Variants in CSMD2 observed in about 807,000 individuals in gnomAD.
CSMD2 encodes CUB and Sushi multiple domains 2, also known as CUB and sushi domain-containing protein 2.
Under a neutral mutation model 398.5 loss-of-function variants are expected in CSMD2, and 130 were observed. That is an observed-to-expected ratio of 0.33 (90% CI 0.28 to 0.38). The LOEUF (loss-of-function observed/expected upper bound fraction) is 0.38. Ranked by LOEUF, CSMD2 falls within the 10% of genes least tolerant of loss-of-function variation. The probability of loss-of-function intolerance (pLI) is 1.00; values close to 1 mark genes in which losing one functional copy is unlikely to be tolerated. For synonymous variants in CSMD2, 1,828 were observed against 1,908.5 expected (o/e 0.96, Z 1.10); for missense variants, 3,829 against 4,764.9 (o/e 0.80, Z 5.78).
intron 53 of CSMD2, among the ~76,000 whole-genome samples, chr1:33,560,591 A>G (rs1009707447): frequency 6.6e-6 from 1 of 152,198 alleles, no homozygotes; most frequent in African/African-American, 2.4e-5. Context: ...TCTTCTTCTC[A>G]GGTCTCTCCT....
At position 34,137,338 on chromosome 1, in the gene CSMD2, C is replaced by T. The variant is rs111717331; in HGVS notation, c.187+27573G>A. Among the ~76,000 whole-genome samples the T allele has an allele frequency of 8.6e-3, 1,302 of 152,276 alleles. 11 individuals are homozygous for T. Among genetic ancestry groups the T allele is most frequent in the Non-Finnish European group, 0.013 (916 of 68,010 alleles). On this transcript the variant is annotated intron_variant, in intron 1 of 70. Transcript: ENST00000373381. ...ACCTTATTACTTTTTCAACAAGGCC[C>T]ACTAAGCTCTTTTCACCAGAACATC...
Position 33,784,584 on chromosome 1 carries a change from C to T in CSMD2, c.1663+4016G>A, listed in dbSNP as rs1343450269. 2.6e-5 allele frequency among the ~76,000 whole-genome samples: 4 copies of T among 152,338 alleles called. No homozygotes were observed. The East Asian group carries it at 7.7e-4, about 29-fold the overall frequency. On this transcript the variant is annotated intron_variant, in intron 12 of 70. Coordinates refer to ENST00000373381, the MANE Select transcript of CSMD2 (RefSeq NM_001281956.2). The stretch of plus-strand genomic sequence containing the variant: ...GCCACTTCTGGCTCCACGCCCTGCA[C>T]TGAGGCCTTACAGAGCCACCTCATT...
intron 6 of CSMD2, among the ~76,000 whole-genome samples, chr1:33,830,850 A>G (rs1198662949): frequency 2.0e-5 from 3 of 152,256 alleles, no homozygotes; most frequent in African/African-American, 7.2e-5. Flanking sequence ...AGGCTCGAGA[A>G]CTACGTGAAG....
In CSMD2 at chr1:33,937,339, G is replaced by A. The variant is rs146854439; in HGVS notation, c.518-1385C>T. Among the ~76,000 whole-genome samples, 15 of 152,276 alleles carry A rather than the reference G, an allele frequency of 9.9e-5. 1 individual carries two copies. The highest frequency in any genetic ancestry group is 3.1e-4 in the African/African-American group (13 of 41,544). ...AGGTGACATCTCTGCAGAACCCTGG[G>A]AGATTAGTAAGACTTAGCTAAGCAA... On this transcript the variant is annotated intron_variant, in intron 3 of 70. Coordinates refer to ENST00000373381, the MANE Select transcript of CSMD2 (RefSeq NM_001281956.2).
chr1:34,100,531 T>C (rs924394270), intron 1 of CSMD2, among the ~76,000 whole-genome samples: 4 of 152,206 alleles, frequency 2.6e-5, no homozygotes, highest in South Asian at 2.1e-4. Context: ...CATGGATGTA[T>C]CTCAATTTAT....
intron 25 of CSMD2, among the ~76,000 whole-genome samples, chr1:33,681,359 A>G (rs540564865): frequency 6.6e-6 from 1 of 152,290 alleles, no homozygotes; most frequent in East Asian, 1.9e-4. Flanking sequence ...AGCATTTTCA[A>G]AAGTACTCCT....
At chr1:33,604,283 G>A (rs1360885745) in intron 42 of CSMD2, among the ~76,000 whole-genome samples, 2 of 152,258 alleles carry the variant, frequency 1.3e-5, no homozygotes, top group Admixed American at 1.3e-4. Context: ...GTTACGCAGA[G>A]CAGAGCTCTG....
intron 3 of CSMD2, among the ~76,000 whole-genome samples, chr1:33,968,360 T>A (rs1336985473): frequency 3.3e-5 from 5 of 152,212 alleles, no homozygotes; most frequent in Non-Finnish European, 5.9e-5. Flanking sequence ...GCATCTGGTG[T>A]TCATGGCTTC....
chr1:33,541,148 T>A lies in CSMD2; in HGVS notation c.9439A>T (p.Thr3147Ser). Residue 3147 changes from threonine to serine, a missense_variant, in exon 59 of 71, where the codon ACC becomes TCC. Coordinates refer to ENST00000373381, the MANE Select transcript of CSMD2 (RefSeq NM_001281956.2). Reference sequence around the variant, plus strand: ...GACACACCTTTGCAGACGGGCTTGGTTCCATTCCATGTCCGGTCCTTGGTG... The same window carrying A: ...GACACACCTTTGCAGACGGGCTTGGATCCATTCCATGTCCGGTCCTTGGTG... ...SCTKDRTWNG[T>S]KPVCKALMCK... 1 of 1,614,090 alleles carries A rather than the reference T, an allele frequency of 6.2e-7. No individual in the cohort carries two copies. Among genetic ancestry groups the A allele is most frequent in the African/African-American group, 1.3e-5 (1 of 75,028 alleles).
At chr1:33,592,766 G>T (rs752377458) in intron 44 of CSMD2, among the ~76,000 whole-genome samples, 1 of 151,950 alleles carries the variant, frequency 6.6e-6, no homozygotes, top group Non-Finnish European at 1.5e-5. Flanking sequence ...TGGCTAACAC[G>T]GTGAAACCCC....
chr1:33,702,263 A>G (rs1010429839), intron 22 of CSMD2, among the ~76,000 whole-genome samples: 3 of 152,216 alleles, frequency 2.0e-5, no homozygotes, highest in Non-Finnish European at 4.4e-5. Flanking sequence ...CAAATAAACT[A>G]TAAATTTAAA....
chr1:33,739,324 G>C lies in CSMD2; in HGVS notation c.2184C>G (p.His728Gln), dbSNP rs1255577754. 1.2e-6 allele frequency: 2 copies of C among 1,613,268 alleles called. No homozygotes were observed. Among genetic ancestry groups the C allele is most frequent in the Non-Finnish European group, 1.7e-6 (2 of 1,179,518 alleles). ...GFNITFTTFR[H>Q]NECPDPGVPV... ...GAACGCCAGGATCCGGGCACTCGTT[G>C]TGTCGGAAGGCTGTGTAGATGGAGT... is the stretch of plus-strand genomic sequence containing the variant. The change falls in exon 15 of 71, where the codon CAC becomes CAG. Residue 728 changes from histidine to glutamine, a missense_variant. Coordinates refer to ENST00000373381, the MANE Select transcript of CSMD2 (RefSeq NM_001281956.2).
chr1:33,808,180 G>T (rs1462145680), intron 10 of CSMD2, among the ~76,000 whole-genome samples: 5 of 152,030 alleles, frequency 3.3e-5, no homozygotes, highest in Admixed American at 2.0e-4. Flanking sequence ...CATCATAATG[G>T]AAGATTTTAA....
At chr1:33,833,836 A>G (rs1659911410) in intron 6 of CSMD2, among the ~76,000 whole-genome samples, 2 of 152,070 alleles carry the variant, frequency 1.3e-5, no homozygotes, top group South Asian at 4.2e-4. Context: ...AAAAATCACA[A>G]GCATTCTTAT....
intron 13 of CSMD2, among the ~76,000 whole-genome samples, chr1:33,751,453 C>G (rs1167577768): frequency 6.6e-6 from 1 of 152,096 alleles, no homozygotes; most frequent in East Asian, 1.9e-4. Flanking sequence ...TTTGTGAGAG[C>G]AATTTCAGAG....
rs971198969 is a variant in CSMD2 at position 33,982,692 on chromosome 1, G to T, written c.518-46738C>A. 3.3e-5 allele frequency among the ~76,000 whole-genome samples: 5 copies of T among 152,222 alleles called. No homozygotes were observed. In the South Asian group the frequency reaches 1.0e-3, roughly 31 times the overall value. ...AGACCTGCCAGTTGGTGGAGGAAAG[G>T]ATATCCCTGGCAGAGGGAGCAGCAG... On this transcript the variant is annotated intron_variant, in intron 3 of 70. Transcript: ENST00000373381.
intron 3 of CSMD2, among the ~76,000 whole-genome samples, chr1:34,014,753 TATGA>T: frequency 6.6e-6 from 1 of 152,366 alleles, no homozygotes; most frequent in Non-Finnish European, 1.5e-5. Context: ...ATTCAAGGCA[TATGA>T]ATGGATGGAT....
intron 5 of CSMD2, among the ~76,000 whole-genome samples, chr1:33,913,554 A>G (rs573199480): frequency 3.3e-4 from 50 of 152,134 alleles, no homozygotes; most frequent in African/African-American, 1.2e-3. Flanking sequence ...ACCCTCTCAA[A>G]GTGTTTTGTA....
rs774023508 is a variant in CSMD2 at position 33,714,646 on chromosome 1, C to G, written c.3347G>C (p.Arg1116Pro). ...FPGYRLEGTA[R>P]ITCLGGRRRL... Reference sequence around the variant, plus strand: ...CCGTCTGCCCCCCAGGCACGTGATGCGGGCGGTGCCCTCCAGACGGTACCC... The same window carrying G: ...CCGTCTGCCCCCCAGGCACGTGATGGGGGCGGTGCCCTCCAGACGGTACCC... Residue 1116 changes from arginine to proline, a missense_variant, in exon 21 of 71, where the codon CGC becomes CCC. Physicochemically the swap from Arg to Pro is moderately radical, Grantham distance 103. Coordinates refer to ENST00000373381, the MANE Select transcript of CSMD2 (RefSeq NM_001281956.2). 1 of 1,613,982 alleles carries G rather than the reference C, an allele frequency of 6.2e-7. No homozygotes were observed. Among genetic ancestry groups the G allele is most frequent in the South Asian group, 1.1e-5 (1 of 91,084 alleles).
Sources: allele counts gnomAD v4.1 joint callset (sites outside exome capture counted in the v4.1 genomes callset), GRCh38; gene constraint gnomAD v4.1.1; transcripts MANE v1.5; gene names NCBI Gene and HGNC (gene_info 2026-07-23, HGNC 2026-07-21).